The following F13A1 variants were observed in gnomAD, a reference collection of about 807,000 sequenced individuals.
The protein encoded by F13A1 is coagulation factor XIII A chain.
F13A1 carries 47 observed loss-of-function variants against 80.1 expected under a neutral mutation model. The observed-to-expected ratio is 0.59, with a 90% CI of 0.46 to 0.75. The LOEUF is 0.75. F13A1 is among the 30% of genes least tolerant of loss of function. The probability of loss-of-function intolerance (pLI) is 0.00; values close to 1 mark genes in which losing one functional copy is unlikely to be tolerated. For synonymous variants in F13A1, 349 were observed against 344.9 expected (o/e 1.01, Z -0.13); for missense variants, 817 against 930.4 (o/e 0.88, Z 1.59).
intron 3 of F13A1, among the ~76,000 whole-genome samples, chr6:6,273,739 G>A (rs1757951811): frequency 6.6e-6 from 1 of 152,202 alleles, no homozygotes; most frequent in Admixed American, 6.5e-5. Context: ...CATGATGTAT[G>A]TGGCAGCGCT....
intron 2 of F13A1, among the ~76,000 whole-genome samples, chr6:6,306,001 C>T (rs1399236711): frequency 6.6e-6 from 1 of 152,170 alleles, no homozygotes; most frequent in Non-Finnish European, 1.5e-5. Context: ...TCTGACAAAG[C>T]CTCAAGGGGA....
intron 14 of F13A1, among the ~76,000 whole-genome samples, chr6:6,147,859 A>G (rs1054757587): frequency 6.6e-6 from 1 of 152,260 alleles, no homozygotes; most frequent in African/African-American, 2.4e-5. Context: ...GTATTTTGAT[A>G]AGTGGAGCAA....
Position 6,266,559 on chromosome 6 carries a change from T to G in F13A1, c.570A>C (p.Glu190Asp). Residue 190 changes from glutamate (E) to aspartate (D), a missense_variant and splice_region_variant, in exon 4 of 15, where the codon GAA (glutamate) becomes GAC (aspartate). Coordinates refer to ENST00000264870, the MANE Select transcript of F13A1 (RefSeq NM_000129.4). ...GAAAACTAAATGTCTGCCTCTTACC[T>G]TCACACCAAGGATTGAAGAGAATGT... Reference protein sequence around the residue: ...DTYILFNPWCEDDAVYLDNEK... With the variant: ...DTYILFNPWCDDDAVYLDNEK... 6.2e-7 allele frequency: 1 copy of G among 1,614,246 alleles called. No homozygotes were observed. The highest frequency in any genetic ancestry group is 8.5e-7 in the Non-Finnish European group (1 of 1,180,034).
Position 6,162,532 on chromosome 6 carries a change from A to G in F13A1, c.1908+4926T>C, listed in dbSNP as rs2151071413. On this transcript the variant is annotated intron_variant, in intron 13 of 14. Coordinates refer to ENST00000264870, the MANE Select transcript of F13A1 (RefSeq NM_000129.4). The surrounding 1 kb of genome is among the most constrained non-coding windows in gnomAD (Gnocchi z 4.2). ...CACCTCTGCTTTTTGTGATAGTTCCATTGTAGCCCAGCGGCTGCCAGCACA... is the reference window on the plus strand; with the variant it reads ...CACCTCTGCTTTTTGTGATAGTTCCGTTGTAGCCCAGCGGCTGCCAGCACA... 6.6e-6 allele frequency among the ~76,000 whole-genome samples: 1 copy of G among 152,346 alleles called. No individual in the cohort carries two copies. Among genetic ancestry groups the G allele is most frequent in the South Asian group, 2.1e-4 (1 of 4,828 alleles).
At chr6:6,190,315 T>A (rs1261839531) in intron 10 of F13A1, among the ~76,000 whole-genome samples, 1 of 152,240 alleles carries the variant, frequency 6.6e-6, no homozygotes, top group African/African-American at 2.4e-5. Flanking sequence ...TTCTAGAGTT[T>A]CCAGTTTTTC....
intron 4 of F13A1, 49 bp downstream of exon 4, chr6:6,266,509 G>C: frequency 1.2e-6 from 2 of 1,613,936 alleles, no homozygotes; most frequent in Non-Finnish European, 1.7e-6. Flanking sequence ...ATGGCACCCC[G>C]CCAAATAGGT....
intron 10 of F13A1, among the ~76,000 whole-genome samples, chr6:6,184,748 C>A (rs923496422): frequency 3.3e-5 from 5 of 152,264 alleles, no homozygotes; most frequent in East Asian, 1.9e-4. Flanking sequence ...TCCTGCCCCC[C>A]CACCTTGAAT....
At chr6:6,205,366 C>A (rs1420336025) in intron 8 of F13A1, among the ~76,000 whole-genome samples, 2 of 152,112 alleles carry the variant, frequency 1.3e-5, no homozygotes, top group Non-Finnish European at 2.9e-5. Flanking sequence ...AGGCATGAAC[C>A]AAATGGATGT....
At chr6:6,177,056 C>T (rs890169502) in intron 11 of F13A1, among the ~76,000 whole-genome samples, 1 of 152,170 alleles carries the variant, frequency 6.6e-6, no homozygotes, top group Admixed American at 6.5e-5. Flanking sequence ...AGAGTAATTC[C>T]TGTTTCTCTA....
intron 12 of F13A1, among the ~76,000 whole-genome samples, chr6:6,170,380 C>T (rs965182938): frequency 6.6e-6 from 1 of 152,030 alleles, no homozygotes; most frequent in African/African-American, 2.4e-5. Flanking sequence ...AGAAACCAGG[C>T]TGTGCTTCAG....
In F13A1 at chr6:6,266,637, G is replaced by C; in HGVS notation, c.492C>G (p.Val164=). Residue 164 remains valine, a synonymous_variant, in exon 4 of 15, where the codon GTC becomes GTG. Coordinates refer to ENST00000264870, the MANE Select transcript of F13A1 (RefSeq NM_000129.4). ...IVGKFRMYVA[V]WTPYGVLRTS... is the part of the protein sequence containing the mutation. ...TTCGAAGTACGCCATAGGGAGTCCA[G>C]ACAGCAACATACATGCGGAATTTCC... 1 of 1,614,236 alleles carries C rather than the reference G, an allele frequency of 6.2e-7. No homozygotes were observed. The highest frequency in any genetic ancestry group is 8.5e-7 in the Non-Finnish European group (1 of 1,180,048).
chr6:6,301,146 C>G (rs1414362737), intron 3 of F13A1, among the ~76,000 whole-genome samples: 1 of 152,108 alleles, frequency 6.6e-6, no homozygotes, highest in Non-Finnish European at 1.5e-5. Context: ...TTTATTCAGT[C>G]CTATTGAAAC....
intron 3 of F13A1, among the ~76,000 whole-genome samples, chr6:6,302,021 A>T (rs543018061): frequency 1.3e-5 from 2 of 152,318 alleles, no homozygotes; most frequent in Admixed American, 1.3e-4. Flanking sequence ...CTTTCTGCGC[A>T]CAAGTCTTCT....
chr6:6,239,342 C>T (rs760188193), intron 6 of F13A1, among the ~76,000 whole-genome samples: 3 of 151,844 alleles, frequency 2.0e-5, no homozygotes, highest in Non-Finnish European at 4.4e-5. Context: ...GGAAGAAGCA[C>T]GAGGGAAACT....
chr6:6,285,051 C>T (rs778228830), intron 3 of F13A1, among the ~76,000 whole-genome samples: 4 of 152,152 alleles, frequency 2.6e-5, no homozygotes, highest in African/African-American at 4.8e-5. Context: ...TGAAACCAGC[C>T]TGGCCAACAT....
chr6:6,199,703 T>C (rs2151083398), intron 8 of F13A1, among the ~76,000 whole-genome samples: 1 of 152,332 alleles, frequency 6.6e-6, no homozygotes, highest in African/African-American at 2.4e-5. Context: ...TGCTTTATTC[T>C]TAGGCTATAA....
intron 3 of F13A1, among the ~76,000 whole-genome samples, chr6:6,281,988 C>T (rs1229254591): frequency 1.2e-4 from 12 of 98,760 alleles, no homozygotes; most frequent in South Asian, 3.5e-4. Flanking sequence ...AGTGAGACTC[C>T]GTCTCAAAAA....
intron 4 of F13A1, 98 bp downstream of exon 4, chr6:6,266,460 T>A: frequency 1.3e-6 from 2 of 1,583,966 alleles, no homozygotes; most frequent in Non-Finnish European, 1.7e-6. Context: ...GATCCTCCCA[T>A]CTTGGCCTCC....
rs1232481176 is a variant in F13A1 at position 6,271,124 on chromosome 6, G to T, written c.320-4315C>A. Reference sequence around the variant, plus strand: ...AAGGAAGGAAAAAGAATCCTGATTGGCAGGCTTTTCATATTCCTGTATGGG... The same window carrying T: ...AAGGAAGGAAAAAGAATCCTGATTGTCAGGCTTTTCATATTCCTGTATGGG... On this transcript the variant is annotated intron_variant, in intron 3 of 14. Coordinates refer to ENST00000264870, the MANE Select transcript of F13A1 (RefSeq NM_000129.4). 3.9e-5 allele frequency among the ~76,000 whole-genome samples: 6 copies of T among 152,194 alleles called. 1 individual carries two copies. The highest frequency in any genetic ancestry group is 1.4e-4 in the African/African-American group (6 of 41,438).
Sources: gnomAD v4.1 joint callset for allele counts (sites outside exome capture counted in the v4.1 genomes callset) on GRCh38, gnomAD v4.1.1 for gene constraint, Gnocchi (gnomAD v3.1) non-coding constraint, MANE v1.5 for transcripts, NCBI Gene and HGNC (gene_info 2026-07-23, HGNC 2026-07-21) for gene names.